C8orf34: variants seen among roughly 807,000 people sequenced by gnomAD.
C8orf34 encodes uncharacterized protein C8orf34.
A neutral mutation model predicts 68.3 loss-of-function variants in C8orf34; 65 were observed. The ratio of observed to expected loss-of-function variants is 0.95; its 90% CI spans 0.78 to 1.17. The LOEUF (loss-of-function observed/expected upper bound fraction) is 1.17, where lower values mean the gene tolerates loss of function less well. C8orf34 is among the 50% of genes most tolerant of loss of function. The probability of loss-of-function intolerance (pLI) is 0.00; values close to 1 mark genes in which losing one functional copy is unlikely to be tolerated. For synonymous variants in C8orf34, 244 were observed against 241.2 expected, an observed-to-expected ratio of 1.01 and a Z score of -0.11; for missense variants, 664 against 655.4, an observed-to-expected ratio of 1.01 and a Z score of -0.14.
At chr8:68,691,447 G>A (rs763311374) in intron 8 of C8orf34, among the ~76,000 whole-genome samples, 2 of 151,928 alleles carry the variant, frequency 1.3e-5, no homozygotes, top group South Asian at 2.1e-4. Context: ...TGTGATTTTC[G>A]TTTTGTGATG....
chr8:68,411,241 G>C (rs1049433080), intron 1 of C8orf34, among the ~76,000 whole-genome samples: 8 of 152,154 alleles, frequency 5.3e-5, no homozygotes, highest in Non-Finnish European at 1.2e-4. Flanking sequence ...TTGCACAAAT[G>C]TTAAAGAATC....
intron 7 of C8orf34, among the ~76,000 whole-genome samples, chr8:68,610,057 A>G (rs1000552804): frequency 6.6e-6 from 1 of 152,226 alleles, no homozygotes; most frequent in African/African-American, 2.4e-5. Flanking sequence ...ACTAATGAAT[A>G]TAGAATTGAA....
chr8:68,476,197 C>T lies in C8orf34; in HGVS notation c.736+7377C>T, dbSNP rs76350329. The stretch of plus-strand genomic sequence containing the variant: ...TGCAGGAATGCAAAGATGACTAACA[C>T]GTGGAACTAGACTTCAAGCTTACAT... On this transcript the variant is annotated intron_variant, in intron 4 of 13. Transcript: ENST00000518698. Among the ~76,000 whole-genome samples the T allele has an allele frequency of 2.1e-3, 320 of 152,280 alleles. 1 individual carries two copies. The highest frequency in any genetic ancestry group is 6.9e-3 in the African/African-American group (285 of 41,540).
chr8:68,513,885 G>A (rs2129633554), intron 5 of C8orf34, among the ~76,000 whole-genome samples: 1 of 152,066 alleles, frequency 6.6e-6, no homozygotes, highest in East Asian at 1.9e-4. Flanking sequence ...CCATGAAAAA[G>A]CCCGGGAGTG....
rs550704290 is a variant in C8orf34, at chr8:68,606,810, C to T, written c.1106-33566C>T. 3.3e-5 allele frequency among the ~76,000 whole-genome samples: 5 copies of T among 152,192 alleles called. No individual in the cohort carries two copies. The South Asian group carries it at 1.0e-3, about 32-fold the overall frequency. On this transcript the variant is annotated intron_variant, in intron 7 of 13. Transcript: ENST00000518698. ...TAAAATCTATTAAACTAAAAATTCT[C>T]TGGTACCATAGCACTTAATTAATCC...
chr8:68,740,934 A>ATGGATGG (rs1822271725), intron 10 of C8orf34, among the ~76,000 whole-genome samples: 2 of 152,238 alleles, frequency 1.3e-5, no homozygotes, highest in African/African-American at 4.8e-5. Flanking sequence ...TTGTGCAAAC[A>ATGGATGG]TGGATGGAGC....
chr8:68,410,894 T>A (rs1004695801), intron 1 of C8orf34, among the ~76,000 whole-genome samples: 8 of 152,218 alleles, frequency 5.3e-5, no homozygotes, highest in African/African-American at 1.9e-4. Flanking sequence ...AGTTCTTCAA[T>A]GAATAACACT....
intron 10 of C8orf34, among the ~76,000 whole-genome samples, chr8:68,750,204 G>A (rs947320837): frequency 6.6e-5 from 10 of 152,014 alleles, no homozygotes; most frequent in African/African-American, 2.4e-4. Context: ...TAATAAACAA[G>A]AGCTGTAAAT....
chr8:68,517,158 A>C (rs1253161520), intron 5 of C8orf34, among the ~76,000 whole-genome samples: 4 of 152,156 alleles, frequency 2.6e-5, no homozygotes, highest in Non-Finnish European at 5.9e-5. Flanking sequence ...TACTTTTGCC[A>C]TGGATTGCTG....
At chr8:68,551,480 T>C (rs529787453) in intron 7 of C8orf34, among the ~76,000 whole-genome samples, 1 of 152,230 alleles carries the variant, frequency 6.6e-6, no homozygotes, top group South Asian at 2.1e-4. Flanking sequence ...TTCAGACTGA[T>C]CATTTCAACA....
intron 8 of C8orf34, among the ~76,000 whole-genome samples, chr8:68,702,443 A>G (rs2130939154): frequency 6.6e-6 from 1 of 152,254 alleles, no homozygotes; most frequent in East Asian, 1.9e-4. Context: ...TATCTTACCT[A>G]TCTGGATATA....
At chr8:68,672,714 G>T (rs886239031) in intron 8 of C8orf34, among the ~76,000 whole-genome samples, 14 of 152,128 alleles carry the variant, frequency 9.2e-5, no homozygotes, top group African/African-American at 3.4e-4. Flanking sequence ...CAATTCCTGG[G>T]CAAGTCCTTG....
chr8:68,544,279 G>A (rs541202489), intron 7 of C8orf34, among the ~76,000 whole-genome samples: 34 of 152,274 alleles, frequency 2.2e-4, no homozygotes, highest in Admixed American at 1.3e-4. Context: ...GGGACACATC[G>A]TAGAGCTTTT....
intron 9 of C8orf34, among the ~76,000 whole-genome samples, chr8:68,711,063 CA>C (rs900323503): frequency 3.3e-5 from 5 of 152,106 alleles, no homozygotes; most frequent in African/African-American, 1.2e-4. Context: ...ACCAGAAGAG[CA>C]AAAACACTCA....
chr8:68,480,568 A>G (rs1216730649), intron 4 of C8orf34, among the ~76,000 whole-genome samples: 2 of 152,334 alleles, frequency 1.3e-5, no homozygotes, highest in South Asian at 4.1e-4. Flanking sequence ...GAAACTTCCT[A>G]GAAACTTGTT....
chr8:68,499,675 C>T (rs1257631985), intron 5 of C8orf34, among the ~76,000 whole-genome samples: 1 of 152,168 alleles, frequency 6.6e-6, no homozygotes, highest in African/African-American at 2.4e-5. Flanking sequence ...CCAGAAGATA[C>T]TTGTTAATTA....
intron 1 of C8orf34, among the ~76,000 whole-genome samples, chr8:68,352,843 A>G (rs1806569704): frequency 6.6e-6 from 1 of 152,156 alleles, no homozygotes; most frequent in Non-Finnish European, 1.5e-5. Context: ...GAAGTTGTGA[A>G]CAATAAGTAT....
intron 5 of C8orf34, among the ~76,000 whole-genome samples, chr8:68,511,151 T>C (rs554938781): frequency 6.6e-6 from 1 of 152,380 alleles, no homozygotes; most frequent in South Asian, 2.1e-4. Context: ...ATTGCTGTTA[T>C]AAATAAATTT....
intron 10 of C8orf34, among the ~76,000 whole-genome samples, chr8:68,762,508 T>C (rs1191682272): frequency 6.6e-6 from 1 of 152,238 alleles, no homozygotes; most frequent in African/African-American, 2.4e-5. Context: ...TTCTGTTTTC[T>C]TGAAATTTCT....
Sources: gnomAD v4.1 joint callset for allele counts (sites outside exome capture counted in the v4.1 genomes callset) on GRCh38, gnomAD v4.1.1 for gene constraint, MANE v1.5 for transcripts, NCBI Gene and HGNC (gene_info 2026-07-23, HGNC 2026-07-21) for gene names.